Variants in NFIC observed in about 807,000 individuals in gnomAD.
The protein encoded by NFIC is nuclear factor 1 C-type.
A neutral mutation model predicts 54.4 loss-of-function variants in NFIC; 12 were observed. The ratio of observed to expected loss-of-function variants is 0.22; its 90% CI spans 0.14 to 0.36. NFIC has a LOEUF of 0.36. Among genes scored for constraint, NFIC ranks in the 10% least tolerant of loss-of-function variants. NFIC has a pLI of 1.00. For synonymous variants in NFIC, 322 were observed against 319.2 expected (o/e 1.01, Z -0.09); for missense variants, 575 against 718.2 (o/e 0.80, Z 2.28).
chr19:3,366,547 T>TGGGGGGGGGGGGGGGGGGGGG (rs1297245047), upstream of NFIC: 4 of 353,478 alleles, frequency 1.1e-5, no homozygotes, highest in South Asian at 1.3e-4. Context: ...GGGGGGGGGT[T>TGGGGGGGGGGGGGGGGGGGGG]GGGGGGGGCG....
At chr19:3,395,355 A>T (rs1234785116) in intron 2 of NFIC, among the ~76,000 whole-genome samples, 1 of 151,588 alleles carries the variant, frequency 6.6e-6, no homozygotes, top group Non-Finnish European at 1.5e-5. Context: ...TGAGAATCTA[A>T]CTCTTTTGCC....
intron 2 of NFIC, among the ~76,000 whole-genome samples, chr19:3,391,332 G>A (rs191762987): frequency 3.7e-4 from 57 of 152,232 alleles, no homozygotes; most frequent in Admixed American, 2.9e-3. Context: ...TTCTGGTTGT[G>A]AATAATGATA....
intron 2 of NFIC, among the ~76,000 whole-genome samples, chr19:3,383,452 A>G (rs2081244990): frequency 6.6e-6 from 1 of 152,146 alleles, no homozygotes; most frequent in Admixed American, 6.5e-5. Context: ...TCCCGGTGCT[A>G]AGAGCAGGGT....
chr19:3,376,324 G>A (rs1320273883), intron 1 of NFIC, among the ~76,000 whole-genome samples: 1 of 150,096 alleles, frequency 6.7e-6, no homozygotes, highest in Admixed American at 6.7e-5. Flanking sequence ...AGCTACTCGG[G>A]AGGCTGAGAC....
chr19:3,400,525 G>A lies in NFIC; in HGVS notation c.562+18282G>A, dbSNP rs184913129. On this transcript the variant is annotated intron_variant, in intron 2 of 10. Transcript: ENST00000443272. ...GTGGAACTCACAGTTTGGTTCAGGC[G>A]ATGGGCAAAGAACAAGAAATAAATG... is the stretch of plus-strand genomic sequence containing the variant. 1.9e-4 allele frequency among the ~76,000 whole-genome samples: 29 copies of A among 152,012 alleles called. 2 individuals are homozygous for A. The East Asian group carries it at 4.3e-3, about 22-fold the overall frequency.
chr19:3,452,629 C>T lies in NFIC; in HGVS notation c.1232C>T (p.Ser411Leu), dbSNP rs750523136. 5.0e-6 allele frequency: 8 copies of T among 1,612,486 alleles called. No individual in the cohort carries two copies. Among genetic ancestry groups the T allele is most frequent in the South Asian group, 4.4e-5 (4 of 91,008 alleles). ...NPQDPLKDLV[S>L]LACDPASQQP... ...CAGGACCCGCTCAAAGATCTTGTCT[C>T]GCTGGCCTGCGACCCAGCCAGCCAG... Residue 411 changes from serine (S) to leucine (L), a missense_variant, in exon 8 of 11, where the codon TCG becomes TTG. By Grantham distance (145) the Ser-to-Leu change is moderately radical (BLOSUM62 -2). Transcript: ENST00000443272. This position sits in a 1 kb window ranked among gnomAD's most constrained non-coding sequence, Gnocchi z 5.3.
chr19:3,421,839 A>G (rs2081958207), intron 2 of NFIC, among the ~76,000 whole-genome samples: 1 of 152,124 alleles, frequency 6.6e-6, no homozygotes, highest in Non-Finnish European at 1.5e-5. Context: ...GTGCAGTGGC[A>G]TGATCACAGC....
Position 3,462,989 on chromosome 19 carries a change from C to T in NFIC, c.*220C>T. On this transcript the variant is annotated 3_prime_UTR_variant, in exon 11 of 11. Coordinates refer to ENST00000443272, the MANE Select transcript of NFIC (RefSeq NM_001245002.2). ...AGAAGAAGAAGAAATAAAAACCCAC[C>T]CAAGCAAGAAGACAAAAGGTAAAGA... 7.1e-7 allele frequency: 1 copy of T among 1,412,222 alleles called. No homozygotes were observed. The highest frequency in any genetic ancestry group is 9.2e-7 in the Non-Finnish European group (1 of 1,090,048). 87.5% of individuals were successfully genotyped at this position (1,412,222 alleles called of 1,614,324 possible). A position where few individuals can be genotyped will look rare whatever the true frequency, so the allele number is the denominator to read the frequency against.
Position 3,463,822 on chromosome 19 carries a change from G to C in NFIC, c.*1053G>C. On this transcript the variant is annotated 3_prime_UTR_variant, in exon 11 of 11. Transcript: ENST00000443272. ...GTCAGCCCCTGGCGGTGGGAGGTGA[G>C]AGCGAGTGGTTTAAGTGCCTGATTA... The C allele has an allele frequency of 1.0e-6, 1 of 985,004 alleles. No individual in the cohort carries two copies. The highest frequency in any genetic ancestry group is 1.2e-6 in the Non-Finnish European group (1 of 829,828). 61.0% of individuals were successfully genotyped at this position (985,004 alleles called of 1,614,324 possible). A position where few individuals can be genotyped will look rare whatever the true frequency, so the allele number is the denominator to read the frequency against.
At chr19:3,412,251 T>G (rs1301208491) in intron 2 of NFIC, among the ~76,000 whole-genome samples, 2 of 151,672 alleles carry the variant, frequency 1.3e-5, no homozygotes, top group African/African-American at 4.8e-5. Flanking sequence ...CTGGGCTAAT[T>G]TTTAGATTTT....
At chr19:3,443,482 A>G (rs1371168817) in intron 6 of NFIC, among the ~76,000 whole-genome samples, 1 of 151,634 alleles carries the variant, frequency 6.6e-6, no homozygotes, top group African/African-American at 2.4e-5. Flanking sequence ...ATAAACTCCT[A>G]GTGTGGCAGA....
chr19:3,407,376 G>A (rs544961016), intron 2 of NFIC, among the ~76,000 whole-genome samples: 65 of 152,026 alleles, frequency 4.3e-4, no homozygotes, highest in African/African-American at 1.5e-3. Context: ...GCCTCCCAAA[G>A]TGCTGGGATT....
intron 1 of NFIC, among the ~76,000 whole-genome samples, chr19:3,368,557 G>A (rs2080938444): frequency 6.6e-6 from 1 of 152,190 alleles, no homozygotes; most frequent in Non-Finnish European, 1.5e-5. Context: ...GAGGCAGAGA[G>A]CTCCCAGGCC....
At chr19:3,394,454 T>C (rs1427222954) in intron 2 of NFIC, among the ~76,000 whole-genome samples, 1 of 146,942 alleles carries the variant, frequency 6.8e-6, no homozygotes, top group African/African-American at 2.6e-5. Context: ...CATTCCAGCC[T>C]GGGTGACAGA....
At chr19:3,425,788 G>A (rs1013476299) in intron 3 of NFIC, among the ~76,000 whole-genome samples, 2 of 147,060 alleles carry the variant, frequency 1.4e-5, no homozygotes, top group Non-Finnish European at 3.0e-5. Context: ...ACGGTCTCAC[G>A]CTGCTGCCCA....
chr19:3,437,571 C>G (rs1160947628), intron 6 of NFIC, among the ~76,000 whole-genome samples: 1 of 141,002 alleles, frequency 7.1e-6, no homozygotes, highest in Non-Finnish European at 1.5e-5. Context: ...GAGATGGAGT[C>G]TTGCTTGTTT....
chr19:3,396,305 A>T lies in NFIC; in HGVS notation c.562+14062A>T, dbSNP rs900628858. Among the ~76,000 whole-genome samples the T allele has an allele frequency of 5.3e-5, 8 of 152,054 alleles. No individual in the cohort carries two copies. In the East Asian group the frequency reaches 1.4e-3, roughly 26 times the overall value. On this transcript the variant is annotated intron_variant, in intron 2 of 10. Transcript: ENST00000443272. ...GCTAACGTGGTGAAACCCCGTCTCT[A>T]CTAAAAATATGAAAATATTAGCCAG...
chr19:3,427,127 C>T (rs2082039650), intron 3 of NFIC, among the ~76,000 whole-genome samples: 2 of 152,034 alleles, frequency 1.3e-5, no homozygotes, highest in African/African-American at 2.4e-5. Flanking sequence ...GGGGTTTCAC[C>T]GTGGTAGCCA....
intron 3 of NFIC, among the ~76,000 whole-genome samples, chr19:3,432,896 C>A (rs972009100): frequency 5.3e-5 from 8 of 152,034 alleles, no homozygotes; most frequent in African/African-American, 9.7e-5. Flanking sequence ...TGGTCTCCAT[C>A]TCCTGACCTG....
Sources: gnomAD v4.1 joint callset for allele counts (sites outside exome capture counted in the v4.1 genomes callset) on GRCh38, gnomAD v4.1.1 for gene constraint, Gnocchi (gnomAD v3.1) non-coding constraint, MANE v1.5 for transcripts, NCBI Gene and HGNC (gene_info 2026-07-23, HGNC 2026-07-21) for gene names.